Variants in PTPRC observed in about 807,000 individuals in gnomAD.
PTPRC encodes the protein protein tyrosine phosphatase receptor type C.
PTPRC carries 44 observed loss-of-function variants against 155.9 expected under a neutral mutation model. That is an observed-to-expected ratio of 0.28 (90% CI 0.22 to 0.36). The LOEUF (loss-of-function observed/expected upper bound fraction) is 0.36, where lower values mean the gene tolerates loss of function less well. PTPRC is among the 10% of genes least tolerant of loss of function. The pLI is 1.00. For synonymous variants in PTPRC, 525 were observed against 533.1 expected, an observed-to-expected ratio of 0.98 and a Z score of 0.21; for missense variants, 1,401 against 1,564.6, an observed-to-expected ratio of 0.90 and a Z score of 1.76.
At chr1:198,711,128 A>G (rs1388805429) in intron 11 of PTPRC, among the ~76,000 whole-genome samples, 6 of 152,138 alleles carry the variant, frequency 3.9e-5, no homozygotes, top group Non-Finnish European at 8.8e-5. Context: ...CCGGCCCGTG[A>G]TTCTAAGTTT....
Position 198,699,632 on chromosome 1 carries a change from G to C in PTPRC, c.367G>C (p.Asp123His), listed in dbSNP as rs41269905. The C allele has an allele frequency of 0.016, 25,531 of 1,614,164 alleles. 288 individuals carry two copies. Among genetic ancestry groups the C allele is most frequent in the Non-Finnish European group, 0.016 (19,332 of 1,180,016 alleles). Residue 123 changes from aspartate to histidine, a missense_variant, in exon 5 of 33, where the codon GAC (aspartate) becomes CAC (histidine). By Grantham distance (81) the Asp-to-His change is moderately conservative. Coordinates refer to ENST00000442510, the MANE Select transcript of PTPRC (RefSeq NM_002838.5). ...ADSQTPSAGTDTQTFSGSAAN... is the reference protein window; with the variant it reads ...ADSQTPSAGTHTQTFSGSAAN... ...CTCGCAGACGCCCTCTGCTGGAACTGACACGCAGACATTCAGCGGCTCCGC... is the reference window on the plus strand; with the variant it reads ...CTCGCAGACGCCCTCTGCTGGAACTCACACGCAGACATTCAGCGGCTCCGC...
rs758791233 is a variant in PTPRC, at chr1:198,708,226, G to GTGA, written c.1000_1002dup (p.Asp334dup). Reference sequence around the variant, plus strand: ...TGGAAAAATATTGAAACCTTTACTTGTGATACACAGAATATTACCTACAGA... The same window carrying GTGA: ...TGGAAAAATATTGAAACCTTTACTTGTGATGATACACAGAATATTACCTACAGA... On this transcript the variant is annotated inframe_insertion, in exon 10 of 33. Coordinates refer to ENST00000442510, the MANE Select transcript of PTPRC (RefSeq NM_002838.5). 3 of 1,607,472 alleles carry GTGA rather than the reference G, an allele frequency of 1.9e-6. No individual in the cohort carries two copies. Among genetic ancestry groups the GTGA allele is most frequent in the South Asian group, 2.2e-5 (2 of 90,936 alleles).
At chr1:198,702,999 A>G (rs545489503) in intron 6 of PTPRC, among the ~76,000 whole-genome samples, 14 of 152,352 alleles carry the variant, frequency 9.2e-5, no homozygotes, top group Non-Finnish European at 1.5e-4. Flanking sequence ...TTAGAATCCA[A>G]GTATGGAAAG....
Position 198,702,657 on chromosome 1 carries a change from C to T in PTPRC, c.583+127C>T, listed in dbSNP as rs146082157. The T allele has an allele frequency of 4.3e-3, 5,409 of 1,251,574 alleles. 14 individuals carry two copies. Among genetic ancestry groups the T allele is most frequent in the Non-Finnish European group, 5.7e-3 (4,909 of 862,712 alleles). 77.5% of individuals were successfully genotyped at this position (1,251,574 alleles called of 1,614,324 possible). ...AGGTTTCCCATTTTACAAATGTTCA[C>T]GTATCAACACCAAATTATGCAAAAG... On this transcript the variant is annotated intron_variant, in intron 6 of 32. Coordinates refer to ENST00000442510, the MANE Select transcript of PTPRC (RefSeq NM_002838.5).
intron 11 of PTPRC, among the ~76,000 whole-genome samples, chr1:198,712,565 A>G (rs1653366992): frequency 6.6e-6 from 1 of 152,234 alleles, no homozygotes; most frequent in Non-Finnish European, 1.5e-5. Flanking sequence ...GGAAGCAATG[A>G]CAAGTGCTAC....
chr1:198,713,129 C>G, intron 12 of PTPRC, 57 bp downstream of exon 12: 1 of 1,608,900 alleles, frequency 6.2e-7, no homozygotes, highest in Non-Finnish European at 8.5e-7. Flanking sequence ...TTTGAAAGTA[C>G]TAGAAATTTT....
At chr1:198,692,633 A>T in intron 3 of PTPRC, 1 of 994,606 alleles carries the variant, frequency 1.0e-6, no homozygotes, top group Non-Finnish European at 1.2e-6. Context: ...ACAGTAAATC[A>T]CACAACAGGT....
chr1:198,694,640 C>T, intron 3 of PTPRC: 11 of 984,822 alleles, frequency 1.1e-5, no homozygotes, highest in Non-Finnish European at 1.3e-5. Flanking sequence ...CTAAAAATAA[C>T]AAATTAATAA....
intron 15 of PTPRC, 112 bp from the exon 16 acceptor site, chr1:198,728,228 C>G: frequency 1.3e-6 from 1 of 785,662 alleles, no homozygotes; most frequent in Non-Finnish European, 1.9e-6. Flanking sequence ...TTTTTAAAAC[C>G]TCACAATAAA....
intron 2 of PTPRC, among the ~76,000 whole-genome samples, chr1:198,658,523 G>A (rs3754096): frequency 0.39 from 59,470 of 151,920 alleles, 12,067 homozygotes; most frequent in East Asian, 0.68. Flanking sequence ...TGATTTATCA[G>A]TCTCTCCTAT....
In PTPRC at chr1:198,756,111, C is replaced by T. The variant is rs762501047; in HGVS notation, c.3851C>T (p.Thr1284Met). 1.4e-5 allele frequency: 23 copies of T among 1,613,256 alleles called. No individual in the cohort carries two copies. Among genetic ancestry groups the T allele is most frequent in the Middle Eastern group, 1.6e-4 (1 of 6,076 alleles). The change falls in exon 33 of 33, where the codon ACG becomes ATG. Residue 1284 changes from threonine to methionine, a missense_variant. Transcript: ENST00000442510. ...AKEQAEGSEP[T>M]SGTEGPEHSV... ...GAACAGGCTGAAGGTTCTGAACCCA[C>T]GAGTGGCACTGAGGGGCCAGAACAT... is the stretch of plus-strand genomic sequence containing the variant.
intron 2 of PTPRC, among the ~76,000 whole-genome samples, chr1:198,678,578 G>A (rs954088200): frequency 2.0e-5 from 3 of 152,152 alleles, no homozygotes; most frequent in Non-Finnish European, 4.4e-5. Flanking sequence ...AAAGGCACCA[G>A]AGCGAGATAC....
chr1:198,735,868 G>A (rs563315786), intron 23 of PTPRC, among the ~76,000 whole-genome samples: 4 of 151,522 alleles, frequency 2.6e-5, no homozygotes, highest in African/African-American at 7.3e-5. Flanking sequence ...ATGGGGAGTG[G>A]CTGCAAATAA....
rs376642162 is a variant in PTPRC at position 198,683,143 on chromosome 1, G to A, written c.74-9204G>A. On this transcript the variant is annotated intron_variant, in intron 2 of 32. Transcript: ENST00000442510. ...TTTATGATTTTGAGCTTTCATCTGT[G>A]AAAAGAAGAGAATACCATCTACTTT... is the stretch of plus-strand genomic sequence containing the variant. Among the ~76,000 whole-genome samples, 7 of 152,176 alleles carry A rather than the reference G, an allele frequency of 4.6e-5. No individual in the cohort carries two copies. In the East Asian group the frequency reaches 1.2e-3, roughly 25 times the overall value.
rs991132183 is a variant in PTPRC, at chr1:198,757,190, A to G, written c.*1009A>G. On this transcript the variant is annotated 3_prime_UTR_variant, in exon 33 of 33. Coordinates refer to ENST00000442510, the MANE Select transcript of PTPRC (RefSeq NM_002838.5). ...ATTCATAACTTTCATTAAAGCATTT[A>G]CTTTGAATTTCTCCAATGCTTAGAA... 6.6e-6 allele frequency: 1 copy of G among 151,900 alleles called. No homozygotes were observed. Among genetic ancestry groups the G allele is most frequent in the Non-Finnish European group, 1.5e-5 (1 of 67,812 alleles). 9.4% of individuals were successfully genotyped at this position (151,900 alleles called of 1,614,324 possible).
intron 4 of PTPRC, among the ~76,000 whole-genome samples, chr1:198,698,646 G>C (rs1267145423): frequency 6.6e-6 from 1 of 151,760 alleles, no homozygotes; most frequent in Non-Finnish European, 1.5e-5. Context: ...TATAAAGATA[G>C]TTTATGACTA....
In PTPRC at chr1:198,654,108, G is replaced by A. The variant is rs369419668; in HGVS notation, c.73+14767G>A. On this transcript the variant is annotated intron_variant, in intron 2 of 32. Coordinates refer to ENST00000442510, the MANE Select transcript of PTPRC (RefSeq NM_002838.5). ...GTATTTTAACACACTGTGAATTATGGAATTTTCAGTGGCTTTATTTAATTA... is the reference window on the plus strand; with the variant it reads ...GTATTTTAACACACTGTGAATTATGAAATTTTCAGTGGCTTTATTTAATTA... Among the ~76,000 whole-genome samples the A allele has an allele frequency of 5.9e-5, 9 of 151,852 alleles. No homozygotes were observed. In the East Asian group the frequency reaches 9.7e-4, roughly 16 times the overall value.
chr1:198,733,615 C>T (rs1183180328), intron 20 of PTPRC, among the ~76,000 whole-genome samples: 1 of 151,690 alleles, frequency 6.6e-6, no homozygotes, highest in Non-Finnish European at 1.5e-5. Flanking sequence ...TTTTATCTGC[C>T]TCTGTACTCC....
At position 198,703,320 on chromosome 1, in the gene PTPRC, A is replaced by G. The variant is rs374110904; in HGVS notation, c.606A>G (p.Glu202=). 1 of 1,613,280 alleles carries G rather than the reference A, an allele frequency of 6.2e-7. No individual in the cohort carries two copies. Among genetic ancestry groups the G allele is most frequent in the East Asian group, 2.2e-5 (1 of 44,884 alleles). Residue 202 remains glutamate, a synonymous_variant, in exon 7 of 33, where the codon GAA becomes GAG. Transcript: ENST00000442510. ...CAGATGCCTACCTTAATGCCTCTGA[A>G]ACAACCACTCTGAGCCCTTCTGGAA... ...NTSDAYLNAS[E]TTTLSPSGSA...
Sources: allele counts gnomAD v4.1 joint callset (sites outside exome capture counted in the v4.1 genomes callset), GRCh38; gene constraint gnomAD v4.1.1; transcripts MANE v1.5; gene names NCBI Gene and HGNC (gene_info 2026-07-23, HGNC 2026-07-21).